The following ITK variants were observed in gnomAD, a reference collection of about 807,000 sequenced individuals.
ITK encodes the protein IL2 inducible T cell kinase.
In ITK, 45 loss-of-function variants were observed where a neutral mutation model predicts 87.6. The observed-to-expected ratio is 0.51, with a 90% CI of 0.40 to 0.66. The LOEUF (loss-of-function observed/expected upper bound fraction) is 0.66, where lower values mean the gene tolerates loss of function less well. ITK is among the 30% of genes least tolerant of loss of function. ITK has a pLI of 0.00. For missense variants in ITK, 605 were observed against 766.3 expected (o/e 0.79, Z 2.48); for synonymous variants, 303 against 273.6 (o/e 1.11, Z -1.06).
At chr5:157,239,805 G>A (rs572593665) in intron 9 of ITK, among the ~76,000 whole-genome samples, 12 of 152,168 alleles carry the variant, frequency 7.9e-5, no homozygotes, top group Non-Finnish European at 1.5e-4. Flanking sequence ...CCCTCATTTT[G>A]TGGCAATGGA....
At chr5:157,216,292 G>C (rs1754297174) in intron 4 of ITK, among the ~76,000 whole-genome samples, 1 of 152,090 alleles carries the variant, frequency 6.6e-6, no homozygotes, top group East Asian at 1.9e-4. Flanking sequence ...ATGAGCACTG[G>C]GCTTTGGATA....
At chr5:157,205,772 C>G (rs463077) in intron 1 of ITK, among the ~76,000 whole-genome samples, 2 of 151,932 alleles carry the variant, frequency 1.3e-5, no homozygotes, top group Non-Finnish European at 2.9e-5. Flanking sequence ...TTTTGACGTA[C>G]GTTCCTTTAA....
intron 1 of ITK, among the ~76,000 whole-genome samples, chr5:157,194,557 A>G (rs1360231706): frequency 6.6e-6 from 1 of 152,180 alleles, no homozygotes; most frequent in Non-Finnish European, 1.5e-5. Flanking sequence ...TGAGGGAGCT[A>G]ATACCAAACC....
intron 2 of ITK, among the ~76,000 whole-genome samples, chr5:157,210,981 C>A (rs1226876953): frequency 6.6e-6 from 1 of 151,876 alleles, no homozygotes; most frequent in African/African-American, 2.4e-5. Context: ...TTTTTTTAAT[C>A]ACTAAAAACT....
chr5:157,181,208 A>G, intron 1 of ITK, 93 bp downstream of exon 1: 1 of 1,259,870 alleles, frequency 7.9e-7, no homozygotes, highest in Non-Finnish European at 1.2e-6. Flanking sequence ...AAAATAGAGC[A>G]CAGGAAACAC....
intron 15 of ITK, 56 bp downstream of exon 15, chr5:157,246,055 T>C: frequency 1.6e-6 from 2 of 1,213,524 alleles, no homozygotes; most frequent in African/African-American, 1.5e-5. Context: ...GCCAGCTGTT[T>C]CCTTTATCAA....
At chr5:157,184,620 T>C (rs1246366937) in intron 1 of ITK, among the ~76,000 whole-genome samples, 2 of 152,240 alleles carry the variant, frequency 1.3e-5, no homozygotes, top group Non-Finnish European at 2.9e-5. Flanking sequence ...GGCCACTTTC[T>C]AGATGTGGGA....
chr5:157,232,469 C>T lies in ITK; in HGVS notation c.768+75C>T, dbSNP rs988029716. 7.6e-5 allele frequency: 83 copies of T among 1,086,410 alleles called. No individual in the cohort carries two copies. In the East Asian group the frequency reaches 2.0e-3, roughly 26 times the overall value. The allele number at this position is 1,086,410 out of a possible 1,614,324, so 67.3% of individuals were successfully genotyped here. ...CACTGTCTCATGTCTGGAATCCCAG[C>T]GATTTGGCAGGCCAAGGTGGGAGGA... On this transcript the variant is annotated intron_variant, in intron 8 of 16. Transcript: ENST00000422843.
intron 1 of ITK, among the ~76,000 whole-genome samples, chr5:157,185,675 G>A (rs866783209): frequency 2.1e-5 from 3 of 144,796 alleles, no homozygotes; most frequent in African/African-American, 5.1e-5. Flanking sequence ...GTGAGACTCC[G>A]TCTCCACAAA....
intron 11 of ITK, 50 bp downstream of exon 11, chr5:157,241,770 C>T: frequency 2.1e-6 from 3 of 1,401,322 alleles, no homozygotes; most frequent in South Asian, 1.2e-5. Context: ...AGGTCTGGGG[C>T]AAATTCTGAA....
At chr5:157,227,643 T>C (rs919187814) in intron 6 of ITK, among the ~76,000 whole-genome samples, 5 of 152,134 alleles carry the variant, frequency 3.3e-5, no homozygotes, top group Non-Finnish European at 7.4e-5. Context: ...TGTTTCCTTA[T>C]AGAAAATAGA....
chr5:157,238,248 C>T, intron 9 of ITK, 57 bp downstream of exon 9: 1 of 1,316,108 alleles, frequency 7.6e-7, no homozygotes, highest in Non-Finnish European at 1.1e-6. Context: ...AGTGTGTGAG[C>T]ACTGGGGAAA....
chr5:157,248,176 C>T (rs1416756782), intron 15 of ITK, among the ~76,000 whole-genome samples: 2 of 152,152 alleles, frequency 1.3e-5, no homozygotes, highest in Admixed American at 6.5e-5. Flanking sequence ...CTTTGAAAAG[C>T]TCTGAATTAG....
At chr5:157,245,404 T>G in intron 13 of ITK, 1 of 450,348 alleles carries the variant, frequency 2.2e-6, no homozygotes, top group Non-Finnish European at 4.1e-6. Flanking sequence ...GCTTTCTTCC[T>G]GTTATCCCTG....
intron 1 of ITK, among the ~76,000 whole-genome samples, chr5:157,182,077 A>G (rs772220718): frequency 3.3e-4 from 50 of 152,354 alleles, no homozygotes; most frequent in South Asian, 1.4e-3. Flanking sequence ...TGCTTTATGC[A>G]GTGGCTCTTG....
At chr5:157,204,179 T>G (rs1487142715) in intron 1 of ITK, among the ~76,000 whole-genome samples, 1 of 152,126 alleles carries the variant, frequency 6.6e-6, no homozygotes, top group Non-Finnish European at 1.5e-5. Context: ...CTTGGCTAAT[T>G]TATGTAATTT....
rs1393793650 is a variant in ITK at position 157,238,174 on chromosome 5, C to T, written c.834C>T (p.Phe278=). 6.2e-7 allele frequency: 1 copy of T among 1,613,402 alleles called. No homozygotes were observed. Among genetic ancestry groups the T allele is most frequent in the East Asian group, 2.2e-5 (1 of 44,864 alleles). ...RTAGTYTVSV[F]TKAVVSENNP... ...CAGGAACATACACCGTGTCTGTTTT[C>T]ACCAAGGCTGTTGTAAGGTATGGAG... The change falls in exon 9 of 17, where the codon TTC becomes TTT. Residue 278 remains phenylalanine (F), a synonymous_variant. Coordinates refer to ENST00000422843, the MANE Select transcript of ITK (RefSeq NM_005546.4).
intron 16 of ITK, among the ~76,000 whole-genome samples, chr5:157,252,232 C>T (rs1045076351): frequency 2.0e-5 from 3 of 152,040 alleles, no homozygotes; most frequent in African/African-American, 7.2e-5. Flanking sequence ...CCAGATATTT[C>T]ATTTTTTGGT....
chr5:157,185,522 G>C (rs9313477), intron 1 of ITK, among the ~76,000 whole-genome samples: 1 of 151,976 alleles, frequency 6.6e-6, no homozygotes, highest in East Asian at 1.9e-4. Flanking sequence ...TTACAGATGT[G>C]AGCCATCGCG....
Sources: allele counts gnomAD v4.1 joint callset (sites outside exome capture counted in the v4.1 genomes callset), GRCh38; gene constraint gnomAD v4.1.1; transcripts MANE v1.5; gene names NCBI Gene and HGNC (gene_info 2026-07-23, HGNC 2026-07-21).